The following EXD2 variants were observed in gnomAD, a reference collection of about 807,000 sequenced individuals.
The protein encoded by EXD2 is exonuclease 3'-5' domain-containing protein 2.
A neutral mutation model predicts 62.5 loss-of-function variants in EXD2; 40 were observed. The observed-to-expected ratio is 0.64, with a 90% CI of 0.50 to 0.83. EXD2 has a LOEUF of 0.83. EXD2 is among the 40% of genes least tolerant of loss of function. EXD2 has a pLI of 0.00. For synonymous variants in EXD2, 239 were observed against 291.9 expected (o/e 0.82, Z 1.85); for missense variants, 671 against 761.8 (o/e 0.88, Z 1.40).
At chr14:69,219,256 T>C (rs892928385) in intron 3 of EXD2, among the ~76,000 whole-genome samples, 6 of 152,200 alleles carry the variant, frequency 3.9e-5, no homozygotes, top group African/African-American at 1.4e-4. Flanking sequence ...AGGTATTTTA[T>C]TCTCTTTGAA....
intron 2 of EXD2, among the ~76,000 whole-genome samples, chr14:69,208,401 G>A (rs1454140208): frequency 5.3e-5 from 8 of 151,616 alleles, no homozygotes; most frequent in African/African-American, 1.7e-4. Context: ...TAGTAGAGAC[G>A]GGGTTTCACT....
At chr14:69,221,539 A>T (rs115911511) in intron 3 of EXD2, among the ~76,000 whole-genome samples, 2,017 of 152,014 alleles carry the variant, frequency 0.013, 41 homozygotes, top group African/African-American at 0.047. Context: ...CTGAGGCAGG[A>T]GGATCACACT....
chr14:69,232,692 TC>T (rs1277088372), intron 5 of EXD2, among the ~76,000 whole-genome samples: 4 of 152,224 alleles, frequency 2.6e-5, no homozygotes, highest in African/African-American at 9.6e-5. Flanking sequence ...TTGTATATCT[TC>T]CGTGGAGAAA....
In EXD2 at chr14:69,230,588, C is replaced by G. The variant is rs957647282; in HGVS notation, c.707C>G (p.Thr236Arg). 2 of 1,612,582 alleles carry G rather than the reference C, an allele frequency of 1.2e-6. No individual in the cohort carries two copies. Among genetic ancestry groups the G allele is most frequent in the Non-Finnish European group, 1.7e-6 (2 of 1,179,480 alleles). Residue 236 changes from threonine to arginine, a missense_variant, in exon 5 of 10, where the codon ACA becomes AGA. Coordinates refer to ENST00000685843, the MANE Select transcript of EXD2 (RefSeq NM_001193360.2). Reference sequence around the variant, plus strand: ...AGCAACTGGGATGCTGAGACTCTCACAGAGGACCAGGTACTTCTTATCAGA... The same window carrying G: ...AGCAACTGGGATGCTGAGACTCTCAGAGAGGACCAGGTACTTCTTATCAGA... ...RCSNWDAETL[T>R]EDQVIYAARD... is the part of the protein sequence containing the mutation.
intron 3 of EXD2, among the ~76,000 whole-genome samples, chr14:69,228,607 G>A (rs2043453711): frequency 2.0e-5 from 3 of 152,118 alleles, no homozygotes; most frequent in Admixed American, 2.0e-4. Flanking sequence ...GGCGTTTGGG[G>A]TTCTCGGTAA....
intron 1 of EXD2, among the ~76,000 whole-genome samples, chr14:69,198,054 T>C (rs1045705816): frequency 6.6e-6 from 1 of 152,248 alleles, no homozygotes; most frequent in Non-Finnish European, 1.5e-5. Flanking sequence ...TGTTCCTCTT[T>C]GTATTGATCT....
chr14:69,240,748 G>A (rs146621497), intron 9 of EXD2, 136 bp from the exon 10 acceptor site: 133 of 670,562 alleles, frequency 2.0e-4, no homozygotes, highest in African/African-American at 1.6e-3. Flanking sequence ...AGGATGTTTC[G>A]AAAACACCAA....
intron 3 of EXD2, among the ~76,000 whole-genome samples, chr14:69,222,110 A>G (rs1195909039): frequency 2.0e-5 from 3 of 150,948 alleles, no homozygotes; most frequent in Non-Finnish European, 4.4e-5. Flanking sequence ...AATTATTGGC[A>G]TATATTTGTT....
intron 6 of EXD2, chr14:69,235,521 A>G: frequency 5.3e-6 from 1 of 187,450 alleles, no homozygotes; most frequent in Non-Finnish European, 1.1e-5. Flanking sequence ...AATGTCCTGT[A>G]TAACTTATTC....
chr14:69,231,799 C>T (rs1336953126), intron 5 of EXD2, among the ~76,000 whole-genome samples: 1 of 145,760 alleles, frequency 6.9e-6, no homozygotes, highest in Admixed American at 7.2e-5. Context: ...ATTCCCTTCA[C>T]CTTTCTCTTT....
intron 4 of EXD2, 54 bp from the exon 5 acceptor site, chr14:69,230,417 TC>T (rs2043527571): frequency 5.4e-6 from 7 of 1,296,490 alleles, no homozygotes; most frequent in Admixed American, 2.1e-5. Flanking sequence ...TTTTTGATTT[TC>T]TTGTCCATGT....
intron 7 of EXD2, 103 bp from the exon 8 acceptor site, chr14:69,236,304 T>C: frequency 1.3e-6 from 2 of 1,587,958 alleles, no homozygotes; most frequent in Non-Finnish European, 1.7e-6. Flanking sequence ...GAAATCATGT[T>C]CTCTGCCAGG....
At chr14:69,218,218 A>G (rs989871165) in intron 3 of EXD2, among the ~76,000 whole-genome samples, 6 of 152,094 alleles carry the variant, frequency 3.9e-5, no homozygotes, top group African/African-American at 1.4e-4. Context: ...CTTTTTAATG[A>G]TCGCCATTCT....
At position 69,229,033 on chromosome 14, in the gene EXD2, G is replaced by C; in HGVS notation, c.551G>C (p.Arg184Thr). 1 of 1,614,210 alleles carries C rather than the reference G, an allele frequency of 6.2e-7. No homozygotes were observed. The highest frequency in any genetic ancestry group is 8.5e-7 in the Non-Finnish European group (1 of 1,180,034). ...KLLQDYGLVV[R>T]GCLDLRYLAM... ...CTGCAGGATTATGGCCTCGTTGTTAGGGGGTGCCTGGACCTCCGATACCTA... is the reference window on the plus strand; with the variant it reads ...CTGCAGGATTATGGCCTCGTTGTTACGGGGTGCCTGGACCTCCGATACCTA... Residue 184 changes from arginine to threonine, a missense_variant, in exon 4 of 10, where the codon AGG becomes ACG. Transcript: ENST00000685843.
intron 3 of EXD2, among the ~76,000 whole-genome samples, chr14:69,221,514 C>T (rs984345924): frequency 1.3e-5 from 2 of 152,064 alleles, no homozygotes; most frequent in African/African-American, 4.8e-5. Flanking sequence ...CCTGTAATCC[C>T]ACCACTATGG....
chr14:69,229,142 C>G, intron 4 of EXD2, 70 bp downstream of exon 4: 17 of 1,578,480 alleles, frequency 1.1e-5, no homozygotes, highest in Non-Finnish European at 1.5e-5. Flanking sequence ...TTGTAGATGC[C>G]TGGGACTCAA....
intron 1 of EXD2, among the ~76,000 whole-genome samples, chr14:69,201,672 GTTTTTTTTTTTTTT>G (rs71102634): frequency 0.024 from 1,410 of 59,148 alleles, 43 homozygotes; most frequent in East Asian, 0.095. Flanking sequence ...TGTTTTCTCT[GTTTTTTTTTTTTTT>G]TTTTTTTTTT....
chr14:69,206,928 T>C (rs901197733), intron 2 of EXD2, among the ~76,000 whole-genome samples: 1 of 152,224 alleles, frequency 6.6e-6, no homozygotes, highest in African/African-American at 2.4e-5. Flanking sequence ...GGAAGGACTT[T>C]TATGTCTTCT....
At chr14:69,209,921 C>T in intron 3 of EXD2, 118 bp downstream of exon 3, 3 of 843,020 alleles carry the variant, frequency 3.6e-6, no homozygotes, top group East Asian at 5.8e-5. Flanking sequence ...AGCTTGTTCT[C>T]AACTTGCTTA....
Sources: gnomAD v4.1 joint callset for allele counts (sites outside exome capture counted in the v4.1 genomes callset) on GRCh38, gnomAD v4.1.1 for gene constraint, MANE v1.5 for transcripts, NCBI Gene and HGNC (gene_info 2026-07-23, HGNC 2026-07-21) for gene names.